Variants in HSD17B4 observed in about 807,000 individuals in gnomAD.
HSD17B4 encodes the protein peroxisomal multifunctional enzyme type 2.
In HSD17B4, 70 loss-of-function variants were observed where a neutral mutation model predicts 101.0. The ratio of observed to expected loss-of-function variants is 0.69; its 90% confidence interval spans 0.57 to 0.85. HSD17B4 has a LOEUF of 0.85. HSD17B4 is among the 40% of genes least tolerant of loss of function. The pLI is 0.00. For missense variants in HSD17B4, 984 were observed against 892.4 expected, an observed-to-expected ratio of 1.10 and a Z score of -1.31; for synonymous variants, 347 against 297.1, an observed-to-expected ratio of 1.17 and a Z score of -1.73.
intron 1 of HSD17B4, chr5:119,452,900 T>C: frequency 6.6e-7 from 1 of 1,506,068 alleles, no homozygotes; most frequent in Non-Finnish European, 8.9e-7. Context: ...GCTGGGCTGC[T>C]GATTGCAAAA....
rs148005666 is a variant in HSD17B4, at chr5:119,500,917, G to T, written c.1210-1124G>T. Among the ~76,000 whole-genome samples, 43 of 152,196 alleles carry T rather than the reference G, an allele frequency of 2.8e-4. 1 individual carries two copies. The East Asian group carries it at 8.3e-3, about 29-fold the overall frequency. On this transcript the variant is annotated intron_variant, in intron 13 of 23. Coordinates refer to ENST00000510025, the MANE Select transcript of HSD17B4 (RefSeq NM_000414.4). The stretch of plus-strand genomic sequence containing the variant: ...GGTTATGAGCCTGGTAATAATTTTT[G>T]AATCATGGGGCTATGAGCTGGTATC...
At chr5:119,532,081 G>T (rs1754164042) in intron 22 of HSD17B4, among the ~76,000 whole-genome samples, 1 of 152,238 alleles carries the variant, frequency 6.6e-6, no homozygotes, top group East Asian at 1.9e-4. Flanking sequence ...TATTCTGTCA[G>T]ATCTTTTGCA....
At chr5:119,469,086 A>G (rs754930851) in intron 2 of HSD17B4, among the ~76,000 whole-genome samples, 5 of 151,354 alleles carry the variant, frequency 3.3e-5, no homozygotes, top group Middle Eastern at 3.4e-3. Context: ...AATGATATAT[A>G]TATCTTTTTG....
chr5:119,521,797 T>G (rs921765590), intron 17 of HSD17B4, among the ~76,000 whole-genome samples: 1 of 152,056 alleles, frequency 6.6e-6, no homozygotes, highest in Non-Finnish European at 1.5e-5. Context: ...TCAGAGTGTT[T>G]GTTTTACATC....
chr5:119,478,928 T>C lies in HSD17B4; in HGVS notation c.529T>C (p.Ser177Pro), dbSNP rs1748854900. The C allele has an allele frequency of 2.5e-6, 4 of 1,613,388 alleles. No homozygotes were observed. Among genetic ancestry groups the C allele is most frequent in the Non-Finnish European group, 3.4e-6 (4 of 1,179,544 alleles). ...GTTGGGTCTTCTGGGCCTTGCAAAT[T>C]CTCTTGCAATTGAAGGCAGGAAAAG... The part of the protein sequence containing the change: ...AKLGLLGLAN[S>P]LAIEGRKSNI... The change falls in exon 8 of 24, where the codon TCT becomes CCT. Residue 177 changes from serine (S) to proline (P), a missense_variant. By Grantham distance (74) the Ser-to-Pro change is moderately conservative (BLOSUM62 -1). Coordinates refer to ENST00000510025, the MANE Select transcript of HSD17B4 (RefSeq NM_000414.4).
chr5:119,505,014 C>G (rs1175467869), intron 14 of HSD17B4, among the ~76,000 whole-genome samples: 1 of 152,116 alleles, frequency 6.6e-6, no homozygotes, highest in Non-Finnish European at 1.5e-5. Context: ...GGAGTCCTTT[C>G]CCCATTCCCT....
chr5:119,502,778 A>G (rs1378549801), intron 14 of HSD17B4, among the ~76,000 whole-genome samples: 1 of 152,086 alleles, frequency 6.6e-6, no homozygotes, highest in Non-Finnish European at 1.5e-5. Context: ...ATTTTTCTTA[A>G]ACCTTTTTAT....
At chr5:119,530,151 G>T (rs1580707816) in intron 21 of HSD17B4, 171 bp downstream of exon 21, 2 of 614,572 alleles carry the variant, frequency 3.3e-6, no homozygotes, top group East Asian at 5.7e-5. Flanking sequence ...GAATACTCTG[G>T]CAATTTATGA....
chr5:119,511,237 G>A (rs778602960), intron 16 of HSD17B4, among the ~76,000 whole-genome samples: 5 of 152,296 alleles, frequency 3.3e-5, no homozygotes, highest in Admixed American at 6.5e-5. Flanking sequence ...TTGTAACTAA[G>A]TATTTGGAAG....
Position 119,499,458 on chromosome 5 carries a change from T to C in HSD17B4, c.1114T>C (p.Ser372Pro), listed in dbSNP as rs770170048. ...KFIYEGSSDF[S>P]CLPTFGVIIG... ...TATTTATGAAGGAAGTTCTGATTTC[T>C]CCTGTTTGCCCACCTTCGGAGTTAT... Residue 372 changes from serine (S) to proline (P), a missense_variant, in exon 13 of 24, where the codon TCC becomes CCC. Transcript: ENST00000510025. The C allele has an allele frequency of 6.2e-7, 1 of 1,613,846 alleles. No homozygotes were observed. Among genetic ancestry groups the C allele is most frequent in the South Asian group, 1.1e-5 (1 of 91,080 alleles).
At chr5:119,473,812 T>C (rs1002241170) in intron 2 of HSD17B4, 96 bp from the exon 3 acceptor site, 2 of 771,680 alleles carry the variant, frequency 2.6e-6, no homozygotes, top group Non-Finnish European at 4.6e-6. Flanking sequence ...ACTGAAGAGA[T>C]GTGCTAGTAA....
At chr5:119,462,333 C>T (rs2678077) in intron 2 of HSD17B4, among the ~76,000 whole-genome samples, 3,141 of 119,990 alleles carry the variant, frequency 0.026, 99 homozygotes, top group African/African-American at 0.089. Flanking sequence ...TTGCTTAACA[C>T]ATTTGAGGAG....
chr5:119,470,324 C>A (rs572896328), intron 2 of HSD17B4, among the ~76,000 whole-genome samples: 16 of 152,060 alleles, frequency 1.1e-4, no homozygotes, highest in African/African-American at 3.6e-4. Context: ...GCAGATGGCA[C>A]CCCTAGGATG....
chr5:119,455,846 A>T lies in HSD17B4; in HGVS notation c.59-469A>T, dbSNP rs948042106. ...GGAGCTGTGCCACAGCCCAAGTAGCACTGGCACTAGGGACCTGAAGTATGG... is the reference window on the plus strand; with the variant it reads ...GGAGCTGTGCCACAGCCCAAGTAGCTCTGGCACTAGGGACCTGAAGTATGG... On this transcript the variant is annotated intron_variant, in intron 1 of 23. Transcript: ENST00000510025. 3.9e-5 allele frequency among the ~76,000 whole-genome samples: 6 copies of T among 152,270 alleles called. No individual in the cohort carries two copies. In the South Asian group the frequency reaches 1.2e-3, roughly 32 times the overall value.
At chr5:119,482,080 A>T (rs1273501315) in intron 8 of HSD17B4, among the ~76,000 whole-genome samples, 3 of 149,978 alleles carry the variant, frequency 2.0e-5, no homozygotes, top group Non-Finnish European at 3.0e-5. Context: ...CTCAGCCATC[A>T]CTCCTTCAAA....
Position 119,509,365 on chromosome 5 carries a change from C to T in HSD17B4, c.1437+121C>T, listed in dbSNP as rs1751957831. On this transcript the variant is annotated intron_variant, in intron 16 of 23. Transcript: ENST00000510025. Reference sequence around the variant, plus strand: ...CCACTTATAGGCAAATTTTCTTATACATCTGCCACCCCTGGGACACCAAGA... The same window carrying T: ...CCACTTATAGGCAAATTTTCTTATATATCTGCCACCCCTGGGACACCAAGA... The T allele has an allele frequency of 5.3e-6, 4 of 753,476 alleles. No homozygotes were observed. In the East Asian group the frequency reaches 7.4e-5, roughly 14 times the overall value. The allele number at this position is 753,476 out of a possible 1,614,324, so 46.7% of individuals were successfully genotyped here. A position where few individuals can be genotyped will look rare whatever the true frequency, so the allele number is the denominator to read the frequency against.
chr5:119,525,420 A>G, intron 18 of HSD17B4, 135 bp downstream of exon 18: 1 of 692,838 alleles, frequency 1.4e-6, no homozygotes, highest in Non-Finnish European at 2.6e-6. Flanking sequence ...TATTACATTT[A>G]TGCAAAGGAT....
intron 22 of HSD17B4, among the ~76,000 whole-genome samples, chr5:119,534,074 G>A (rs1274153226): frequency 6.6e-6 from 1 of 151,988 alleles, no homozygotes; most frequent in Non-Finnish European, 1.5e-5. Context: ...ATACAATGTT[G>A]CTGAGCAAAA....
intron 12 of HSD17B4, among the ~76,000 whole-genome samples, chr5:119,497,453 T>C (rs1382335196): frequency 6.6e-6 from 1 of 152,228 alleles, no homozygotes; most frequent in Non-Finnish European, 1.5e-5. Context: ...TCATAGTTCT[T>C]TATCTCTTTA....
Sources: gnomAD v4.1 joint callset for allele counts (sites outside exome capture counted in the v4.1 genomes callset) on GRCh38, gnomAD v4.1.1 for gene constraint, MANE v1.5 for transcripts, NCBI Gene and HGNC (gene_info 2026-07-23, HGNC 2026-07-21) for gene names.